Variants in RASEF observed in about 807,000 individuals in gnomAD.
The protein encoded by RASEF is RAS and EF-hand domain containing, also known as ras and EF-hand domain-containing protein.
In RASEF, 68 loss-of-function variants were observed where a neutral mutation model predicts 90.1. The observed-to-expected ratio is 0.75, with a 90% CI of 0.62 to 0.92. RASEF has a LOEUF of 0.92. RASEF is among the 40% of genes least tolerant of loss of function. The pLI, the probability that RASEF is intolerant of heterozygous loss-of-function variation, is 0.00. For missense variants in RASEF, 949 were observed against 937.2 expected (o/e 1.01, Z -0.16); for synonymous variants, 331 against 345.2 (o/e 0.96, Z 0.46).
In RASEF at chr9:82,982,564, A is replaced by G; in HGVS notation, c.*113T>C. ...GCTGGGTTCAGGTTTCCTGCACTGT[A>G]ACTCTCCATAGGACAGTGTCAGTAG... is the stretch of plus-strand genomic sequence containing the variant. On this transcript the variant is annotated 3_prime_UTR_variant, in exon 17 of 17. Transcript: ENST00000376447. The G allele has an allele frequency of 1.4e-6, 1 of 700,686 alleles. No individual in the cohort carries two copies. The allele number at this position is 700,686 out of a possible 1,614,324, so 43.4% of individuals were successfully genotyped here.
At chr9:83,146,749 C>T in the RASEF span, among the ~76,000 whole-genome samples, 1 of 152,050 alleles carries the variant, frequency 6.6e-6, no homozygotes, top group African/African-American at 2.4e-5. Flanking sequence ...CATTTCCCAC[C>T]ATTACAAATC....
the RASEF span, among the ~76,000 whole-genome samples, chr9:83,190,024 G>A: frequency 1.3e-5 from 2 of 151,998 alleles, no homozygotes; most frequent in African/African-American, 2.4e-5. Flanking sequence ...TGTTCTGCTC[G>A]CCCACTTCGC....
chr9:83,092,875 T>C, the RASEF span, among the ~76,000 whole-genome samples: 1 of 152,064 alleles, frequency 6.6e-6, no homozygotes, highest in African/African-American at 2.4e-5. Flanking sequence ...ACACAAAGGT[T>C]CTCCAAGGCC....
chr9:83,056,054 C>G (rs1259787306), intron 1 of RASEF, among the ~76,000 whole-genome samples: 3 of 152,096 alleles, frequency 2.0e-5, no homozygotes, highest in African/African-American at 7.2e-5. Context: ...ATTGGGTGAA[C>G]TAGAGAAAGA....
intron 14 of RASEF, among the ~76,000 whole-genome samples, chr9:82,994,222 T>C (rs1384307387): frequency 6.6e-6 from 1 of 152,194 alleles, no homozygotes; most frequent in Non-Finnish European, 1.5e-5. Context: ...AAATTAGCTG[T>C]TTCGCTCATT....
the RASEF span, among the ~76,000 whole-genome samples, chr9:83,185,651 C>A: frequency 6.6e-6 from 1 of 152,100 alleles, no homozygotes; most frequent in East Asian, 1.9e-4. Flanking sequence ...CACAATGAGT[C>A]TCCCAAGGCT....
the RASEF span, among the ~76,000 whole-genome samples, chr9:83,141,194 A>G: frequency 6.6e-6 from 1 of 152,038 alleles, no homozygotes; most frequent in Non-Finnish European, 1.5e-5. Flanking sequence ...AGTGTAAAGA[A>G]CTAAACAAGT....
the RASEF span, among the ~76,000 whole-genome samples, chr9:83,092,697 G>A: frequency 6.6e-6 from 1 of 152,152 alleles, no homozygotes; most frequent in African/African-American, 2.4e-5. Context: ...GCCACTGCTG[G>A]CTTGGGCACC....
the RASEF span, among the ~76,000 whole-genome samples, chr9:83,166,567 T>C: frequency 6.6e-6 from 1 of 151,886 alleles, no homozygotes; most frequent in East Asian, 1.9e-4. Context: ...ACAGCCGGGG[T>C]GTAAAATAAC....
chr9:83,152,355 G>C, the RASEF span, among the ~76,000 whole-genome samples: 1 of 152,146 alleles, frequency 6.6e-6, no homozygotes, highest in Admixed American at 6.5e-5. Context: ...CTTCATTCAT[G>C]ACAATGAATC....
chr9:83,129,157 C>A, the RASEF span, among the ~76,000 whole-genome samples: 1 of 152,036 alleles, frequency 6.6e-6, no homozygotes, highest in African/African-American at 2.4e-5. Context: ...AAGTCCATCA[C>A]TAACTTTGGG....
At chr9:83,163,411 T>C in the RASEF span, among the ~76,000 whole-genome samples, 2 of 152,194 alleles carry the variant, frequency 1.3e-5, no homozygotes, top group African/African-American at 4.8e-5. Context: ...ATGGCAGGGA[T>C]GTAGGAATTA....
the RASEF span, among the ~76,000 whole-genome samples, chr9:83,103,319 T>A: frequency 3.3e-5 from 5 of 152,194 alleles, no homozygotes; most frequent in African/African-American, 9.7e-5. Context: ...ATTTTTATGA[T>A]AATAATGAGA....
intron 3 of RASEF, among the ~76,000 whole-genome samples, chr9:83,022,100 A>G: frequency 6.6e-6 from 1 of 151,948 alleles, no homozygotes; most frequent in African/African-American, 2.4e-5. Context: ...GGCACATGTT[A>G]TTTCTTTACT....
intron 16 of RASEF, among the ~76,000 whole-genome samples, chr9:82,989,222 A>ATG (rs34304913): frequency 0.37 from 56,459 of 151,398 alleles, 11,076 homozygotes; most frequent in East Asian, 0.76. Context: ...GTATGTGTGC[A>ATG]TGTGTGCGTG....
the RASEF span, among the ~76,000 whole-genome samples, chr9:83,127,488 A>G: frequency 6.6e-6 from 1 of 152,320 alleles, no homozygotes; most frequent in African/African-American, 2.4e-5. Flanking sequence ...AGAAAAAAAG[A>G]AAAGGGCTCA....
At chr9:83,091,053 G>A in the RASEF span, among the ~76,000 whole-genome samples, 1 of 152,178 alleles carries the variant, frequency 6.6e-6, no homozygotes, top group African/African-American at 2.4e-5. Context: ...CAGGCTCTGT[G>A]TATGTATTGT....
intron 1 of RASEF, chr9:83,049,201 T>C (rs1436631747): frequency 6.4e-6 from 3 of 467,722 alleles, no homozygotes; most frequent in South Asian, 9.1e-5. Flanking sequence ...CACTTAACTA[T>C]GAACAAACAT....
At chr9:83,123,961 C>T in the RASEF span, among the ~76,000 whole-genome samples, 1 of 152,252 alleles carries the variant, frequency 6.6e-6, no homozygotes, top group Non-Finnish European at 1.5e-5. Context: ...AACACTAACT[C>T]TCCCTTAGCC....
Sources: allele counts gnomAD v4.1 joint callset (sites outside exome capture counted in the v4.1 genomes callset), GRCh38; gene constraint gnomAD v4.1.1; transcripts MANE v1.5; gene names NCBI Gene and HGNC (gene_info 2026-07-23, HGNC 2026-07-21).